The following IRGM variants were observed in gnomAD, a reference collection of about 807,000 sequenced individuals.
IRGM encodes the protein immunity related GTPase M.
For synonymous variants in IRGM, 98 were observed against 80.6 expected (o/e 1.22, Z -1.16); for missense variants, 288 against 219.9 (o/e 1.31, Z -1.96).
At chr5:150,890,494 T>C (rs957000243) in intron 3 of IRGM, among the ~76,000 whole-genome samples, 5 of 152,014 alleles carry the variant, frequency 3.3e-5, no homozygotes, top group African/African-American at 1.2e-4. Flanking sequence ...GAACCAATCA[T>C]TCTGCTGTTT....
At chr5:150,851,316 T>C (rs909971749), downstream of IRGM, among the ~76,000 whole-genome samples, 5 of 152,020 alleles carry the variant, frequency 3.3e-5, no homozygotes, top group Admixed American at 6.5e-5. Flanking sequence ...TCCATCTTCC[T>C]CCCCCTTATC....
chr5:150,848,696 TCTC>T, exon 2 of IRGM: 1 of 1,425,538 alleles, frequency 7.0e-7, no homozygotes, highest in Non-Finnish European at 9.5e-7. Flanking sequence ...ACATTTTCCA[TCTC>T]CTCCTATTGA....
intron 1 of IRGM, among the ~76,000 whole-genome samples, chr5:150,876,258 T>C (rs1754361339): frequency 6.6e-6 from 1 of 152,142 alleles, no homozygotes; most frequent in Non-Finnish European, 1.5e-5. Flanking sequence ...GTTTCTCCCA[T>C]AGCCAGGATT....
At chr5:150,872,272 C>A (rs1312915309) in intron 1 of IRGM, among the ~76,000 whole-genome samples, 1 of 152,166 alleles carries the variant, frequency 6.6e-6, no homozygotes, top group Non-Finnish European at 1.5e-5. Context: ...CCAGAAGAAA[C>A]AACTTCCCCA....
chr5:150,848,024 A>G lies in IRGM; in HGVS notation c.-100A>G. On this transcript the variant is annotated 5_prime_UTR_variant, in exon 2 of 2. Coordinates refer to ENST00000522154, the MANE Select transcript of IRGM (RefSeq NM_001145805.2). ...CACGATGTTGGCCAGGATGGTCTCA[A>G]TCTCCTGACCTCGTGATCTGCTCGC... 6 of 910,084 alleles carry G rather than the reference A, an allele frequency of 6.6e-6. No individual in the cohort carries two copies. The East Asian group carries it at 1.1e-4, about 16-fold the overall frequency. The allele number at this position is 910,084 out of a possible 1,614,324, so 56.4% of individuals were successfully genotyped here.
At chr5:150,870,898 C>T (rs150262420) in intron 1 of IRGM, among the ~76,000 whole-genome samples, 1 of 151,238 alleles carries the variant, frequency 6.6e-6, no homozygotes, top group East Asian at 1.9e-4. Flanking sequence ...TGGGTTTGAC[C>T]AACTCTATCC....
intron 1 of IRGM, among the ~76,000 whole-genome samples, chr5:150,858,567 G>A (rs1296280116): frequency 1.3e-5 from 2 of 152,122 alleles, no homozygotes; most frequent in Non-Finnish European, 2.9e-5. Context: ...AGCATGGAAT[G>A]TTCTTCCATT....
At chr5:150,872,480 C>G (rs1174470748) in intron 1 of IRGM, among the ~76,000 whole-genome samples, 1 of 152,200 alleles carries the variant, frequency 6.6e-6, no homozygotes, top group Admixed American at 6.5e-5. Flanking sequence ...AGGTGAGGTT[C>G]ATAGTGTGAC....
chr5:150,850,040 G>A (rs1424662865), downstream of IRGM, among the ~76,000 whole-genome samples: 3 of 152,182 alleles, frequency 2.0e-5, no homozygotes, highest in Non-Finnish European at 4.4e-5. Context: ...AGAGATGCCT[G>A]TATAGATGGT....
rs143725595 is a variant in IRGM at position 150,896,549 on chromosome 5, A to G, written c.*141-4040A>G. 2.1e-4 allele frequency: 340 copies of G among 1,613,720 alleles called. 3 individuals are homozygous for G. The African/African-American group carries it at 3.9e-3, about 19-fold the overall frequency. Reference sequence around the variant, plus strand: ...TTACTCCATTGTGAATCTTCTCAAGATTAGAATTGGGCTCACTCTGGCTAG... The same window carrying G: ...TTACTCCATTGTGAATCTTCTCAAGGTTAGAATTGGGCTCACTCTGGCTAG... On this transcript the variant is annotated intron_variant and NMD_transcript_variant, in intron 3 of 3. Transcript: ENST00000520549.
At chr5:150,852,530 C>A (rs2113253155), downstream of IRGM, among the ~76,000 whole-genome samples, 1 of 152,210 alleles carries the variant, frequency 6.6e-6, no homozygotes, top group East Asian at 1.9e-4. Context: ...TTGTCCACTT[C>A]TTATTTCATG....
chr5:150,859,671 C>G (rs62380620), intron 1 of IRGM, among the ~76,000 whole-genome samples: 1 of 151,844 alleles, frequency 6.6e-6, no homozygotes, highest in Non-Finnish European at 1.5e-5. Flanking sequence ...TGTATGTGTC[C>G]AGGAATTTAT....
At chr5:150,860,886 A>AT (rs951549573) in intron 1 of IRGM, among the ~76,000 whole-genome samples, 26 of 151,310 alleles carry the variant, frequency 1.7e-4, no homozygotes, top group Admixed American at 3.3e-4. Flanking sequence ...TAGGAAACTG[A>AT]TTTTTTTTTC....
downstream of IRGM, among the ~76,000 whole-genome samples, chr5:150,851,160 T>C (rs528004173): frequency 2.6e-5 from 4 of 152,256 alleles, no homozygotes; most frequent in African/African-American, 9.6e-5. Context: ...GTGCTTTTGG[T>C]TGTACTCCCT....
chr5:150,849,566 TTCTAACCATATATA>T (rs1388397058), downstream of IRGM, among the ~76,000 whole-genome samples: 1 of 151,944 alleles, frequency 6.6e-6, no homozygotes, highest in Non-Finnish European at 1.5e-5. Context: ...GATTTTAAAA[TTCTAACCATATATA>T]TGGGTGTAAT....
chr5:150,848,907 A>G (rs1753931084), downstream of IRGM, among the ~76,000 whole-genome samples: 1 of 152,166 alleles, frequency 6.6e-6, no homozygotes, highest in Admixed American at 6.5e-5. Context: ...CAGGTGCTAA[A>G]AATGATCAGT....
chr5:150,880,788 G>A (rs890046048), intron 3 of IRGM, among the ~76,000 whole-genome samples: 3 of 152,148 alleles, frequency 2.0e-5, no homozygotes, highest in African/African-American at 7.2e-5. Context: ...AAACAACTGT[G>A]CCTTTGCTTT....
rs904083580 is a variant in IRGM at position 150,848,591 on chromosome 5, C to T, written c.468C>T (p.Ala156=). 1.3e-5 allele frequency: 20 copies of T among 1,551,386 alleles called. No homozygotes were observed. Among genetic ancestry groups the T allele is most frequent in the Non-Finnish European group, 1.7e-5 (20 of 1,146,712 alleles). The change falls in exon 2 of 2, where the codon GCC becomes GCT. Residue 156 remains alanine, a synonymous_variant. Transcript: ENST00000522154. ...TAGACATGGACCTCAGCACAGGTGC[C>T]CTCCCAGAAGTGCAGCTACTGCAGA... is the stretch of plus-strand genomic sequence containing the variant. ...TKLDMDLSTG[A]LPEVQLLQIR... is the part of the protein sequence containing the mutation.
Position 150,858,003 on chromosome 5 carries a change from G to A in IRGM, c.158+9349G>A, listed in dbSNP as rs1561742221. 5.3e-5 allele frequency among the ~76,000 whole-genome samples: 8 copies of A among 152,254 alleles called. No individual in the cohort carries two copies. The South Asian group carries it at 1.5e-3, about 28-fold the overall frequency. ...TTTTAAACATGAAGTCCTTGCCCATGCCTATGTCCTGAATGGTATTGCCTA... is the reference window on the plus strand; with the variant it reads ...TTTTAAACATGAAGTCCTTGCCCATACCTATGTCCTGAATGGTATTGCCTA... On this transcript the variant is annotated intron_variant and NMD_transcript_variant, in intron 1 of 3. Coordinates refer to the IRGM transcript ENST00000520549.
Sources: gnomAD v4.1 joint callset for allele counts (sites outside exome capture counted in the v4.1 genomes callset) on GRCh38, gnomAD v4.1.1 for gene constraint, MANE v1.5 for transcripts, NCBI Gene and HGNC (gene_info 2026-07-23, HGNC 2026-07-21) for gene names.